TRIM66: variants seen among roughly 807,000 people sequenced by gnomAD.
TRIM66 encodes tripartite motif containing 66.
In TRIM66, 99 loss-of-function variants were observed where a neutral mutation model predicts 148.2. That is an observed-to-expected ratio of 0.67 (90% CI 0.57 to 0.79). The LOEUF (loss-of-function observed/expected upper bound fraction) is 0.79. Among genes scored for constraint, TRIM66 ranks in the 30% least tolerant of loss-of-function variants. TRIM66 has a pLI of 0.00. For missense variants in TRIM66, 1,666 were observed against 1,697.9 expected, an observed-to-expected ratio of 0.98 and a Z score of 0.33; for synonymous variants, 616 against 635.9, an observed-to-expected ratio of 0.97 and a Z score of 0.47.
intron 6 of TRIM66, among the ~76,000 whole-genome samples, chr11:8,659,901 A>G (rs538521120): frequency 6.6e-5 from 10 of 152,232 alleles, no homozygotes; most frequent in Admixed American, 5.9e-4. Flanking sequence ...GTTTTGAGAC[A>G]GTGTTTCATT....
chr11:8,677,988 C>T (rs1002823317), intron 3 of TRIM66: 5 of 152,178 alleles, frequency 3.3e-5, no homozygotes, highest in African/African-American at 1.2e-4. Flanking sequence ...ATATCAAAAA[C>T]TACCGATAAA....
rs2036363976 is a variant in TRIM66, at chr11:8,641,225, G to C, written c.1223-73C>G. On this transcript the variant is annotated intron_variant, in intron 13 of 24. Coordinates refer to ENST00000646038, the MANE Select transcript of TRIM66 (RefSeq NM_001388022.1). ...CCACCTTGCTACTTCCTGCTCCTGG[G>C]ACAAAAGAACCTCATTCAACAATCC... 5 of 1,343,928 alleles carry C rather than the reference G, an allele frequency of 3.7e-6. 1 individual carries two copies. In the South Asian group the frequency reaches 7.2e-5, roughly 19 times the overall value. The allele number at this position is 1,343,928 out of a possible 1,614,324, so 83.3% of individuals were successfully genotyped here. A position where few individuals can be genotyped will look rare whatever the true frequency, so the allele number is the denominator to read the frequency against.
intron 15 of TRIM66, among the ~76,000 whole-genome samples, chr11:8,628,636 A>AAAAAAAAAAGAGAGAG (rs1555042270): frequency 3.2e-5 from 3 of 93,336 alleles, no homozygotes; most frequent in Non-Finnish European, 7.0e-5. Flanking sequence ...AAAAAAAAAA[A>AAAAAAAAAAGAGAGAG]AGAGAGAGAA....
intron 6 of TRIM66, among the ~76,000 whole-genome samples, chr11:8,655,894 A>T (rs2037787907): frequency 1.3e-5 from 2 of 152,262 alleles, no homozygotes; most frequent in Admixed American, 1.3e-4. Context: ...TCAGAAAGTC[A>T]GGGAACAAGC....
intron 6 of TRIM66, among the ~76,000 whole-genome samples, chr11:8,671,444 G>A (rs1173422119): frequency 6.6e-6 from 1 of 152,146 alleles, no homozygotes; most frequent in African/African-American, 2.4e-5. Flanking sequence ...ACCCTAGGAG[G>A]CCAGCCATTC....
chr11:8,648,270 A>G, intron 9 of TRIM66, 146 bp downstream of exon 9: 2 of 1,338,718 alleles, frequency 1.5e-6, no homozygotes. Context: ...AAGTCCTACA[A>G]CAGGAGCAGA....
At position 8,641,082 on chromosome 11, in the gene TRIM66, T is replaced by A. The variant is rs1159560326; in HGVS notation, c.1293A>T (p.Ser431=). ...DAPAYGGLQG[S]SPFYQSHQSP... ...ACTGGTGGCTTTGATAAAAGGGTGA[T>A]GACCCCTGTAAGCCTCCATAAGCAG... is the stretch of plus-strand genomic sequence containing the variant. Residue 431 remains serine (S), a synonymous_variant, in exon 14 of 25, where the codon TCA becomes TCT. Coordinates refer to ENST00000646038, the MANE Select transcript of TRIM66 (RefSeq NM_001388022.1). 1 of 1,551,728 alleles carries A rather than the reference T, an allele frequency of 6.4e-7. No individual in the cohort carries two copies. Among genetic ancestry groups the A allele is most frequent in the Admixed American group, 2.0e-5 (1 of 51,008 alleles).
chr11:8,645,641 A>C (rs2133170605), intron 12 of TRIM66, 100 bp downstream of exon 12: 1 of 1,400,188 alleles, frequency 7.1e-7, no homozygotes, highest in Non-Finnish European at 9.6e-7. Flanking sequence ...CATCCTAAAA[A>C]GAAAAGGCAC....
rs1247704011 is a variant in TRIM66, at chr11:8,617,979, ACATTCTTTTTGC to A, written c.4132_4143del (p.Ala1378_Met1381del). On this transcript the variant is annotated inframe_deletion, in exon 25 of 25. Coordinates refer to ENST00000646038, the MANE Select transcript of TRIM66 (RefSeq NM_001388022.1). ...GAGATGCTGTTGGCCAGGCGAAATG[ACATTCTTTTTGC>A]TCTTTCATTCTCCTGAAAGAAAAAT... 1 of 1,551,612 alleles carries A rather than the reference ACATTCTTTTTGC, an allele frequency of 6.4e-7. No individual in the cohort carries two copies. The highest frequency in any genetic ancestry group is 8.7e-7 in the Non-Finnish European group (1 of 1,147,006).
At chr11:8,659,744 T>C (rs1431585439) in intron 6 of TRIM66, among the ~76,000 whole-genome samples, 2 of 152,192 alleles carry the variant, frequency 1.3e-5, no homozygotes, top group African/African-American at 4.8e-5. Flanking sequence ...AGACCAGCAC[T>C]GGTTCAAGGC....
chr11:8,618,010 G>A lies in TRIM66; in HGVS notation c.4120-7C>T. On this transcript the variant is annotated splice_region_variant and splice_polypyrimidine_tract_variant and intron_variant, in intron 24 of 24. Coordinates refer to ENST00000646038, the MANE Select transcript of TRIM66 (RefSeq NM_001388022.1). ...TTTTTGCTCTTTCATTCTCCTGAAA[G>A]AAAAATATATATTTGGAATTAAAAT... 6.4e-7 allele frequency: 1 copy of A among 1,551,334 alleles called. No individual in the cohort carries two copies. The highest frequency in any genetic ancestry group is 8.7e-7 in the Non-Finnish European group (1 of 1,146,744).
Position 8,638,736 on chromosome 11 carries a change from TG to T in TRIM66, c.2227del (p.Gln743ArgfsTer26). 6.5e-7 allele frequency: 1 copy of T among 1,550,338 alleles called. No individual in the cohort carries two copies. On this transcript the variant is annotated frameshift_variant, in exon 15 of 25. Coordinates refer to ENST00000646038, the MANE Select transcript of TRIM66 (RefSeq NM_001388022.1). LOFTEE classifies it high-confidence loss of function. ...LDKNTAAALP[Q>X]ASGEETPLSV... ...GAGAGGGGTTTCTTCCCCAGACGCC[TG>T]GGGCAAGGCAGCAGCAGTATTCTTG...
intron 8 of TRIM66, 141 bp downstream of exon 8, chr11:8,649,599 C>A: frequency 8.3e-7 from 1 of 1,198,942 alleles, no homozygotes; most frequent in South Asian, 1.6e-5. Context: ...CTGAAGGAGA[C>A]TTCCTTTGGG....
chr11:8,620,805 G>T (rs2034137331), intron 20 of TRIM66, among the ~76,000 whole-genome samples: 1 of 152,236 alleles, frequency 6.6e-6, no homozygotes, highest in Admixed American at 6.5e-5. Flanking sequence ...CCACATGCAA[G>T]AAGAAGGTGA....
At position 8,616,441 on chromosome 11, in the gene TRIM66, A is replaced by G. The variant is rs1179503655; in HGVS notation, c.*1503T>C. The G allele has an allele frequency of 1.3e-5, 2 of 152,234 alleles. No homozygotes were observed. Among genetic ancestry groups the G allele is most frequent in the Admixed American group, 6.5e-5 (1 of 15,280 alleles). 9.4% of individuals were successfully genotyped at this position (152,234 alleles called of 1,614,324 possible). A position where few individuals can be genotyped will look rare whatever the true frequency, so the allele number is the denominator to read the frequency against. ...AAATTAGCCATGCAATGACAGGACC[A>G]GGGAGAGCTGTCTCAGTCCTGGCCA... On this transcript the variant is annotated 3_prime_UTR_variant, in exon 25 of 25. Transcript: ENST00000646038.
At chr11:8,644,852 C>T (rs2036710300) in intron 12 of TRIM66, among the ~76,000 whole-genome samples, 1 of 152,192 alleles carries the variant, frequency 6.6e-6, no homozygotes, top group Admixed American at 6.5e-5. Context: ...TAGCCTGATT[C>T]CCAGATCCAG....
intron 6 of TRIM66, among the ~76,000 whole-genome samples, chr11:8,663,619 G>T (rs934961036): frequency 2.0e-5 from 3 of 152,048 alleles, no homozygotes; most frequent in Admixed American, 6.6e-5. Context: ...CCTTGGATGC[G>T]GGGGGAGGGG....
intron 8 of TRIM66, 44 bp downstream of exon 8, chr11:8,649,696 T>C: frequency 6.5e-6 from 10 of 1,539,266 alleles, no homozygotes; most frequent in Non-Finnish European, 8.7e-6. Flanking sequence ...GGTTCAGCCC[T>C]GCTTTAGGGC....
At chr11:8,630,236 G>A (rs927567030) in intron 15 of TRIM66, among the ~76,000 whole-genome samples, 3 of 152,300 alleles carry the variant, frequency 2.0e-5, no homozygotes, top group South Asian at 4.1e-4. Context: ...AAGGGCTTGA[G>A]AGCGTGGCCA....
Sources: allele counts gnomAD v4.1 joint callset (sites outside exome capture counted in the v4.1 genomes callset), GRCh38; gene constraint gnomAD v4.1.1; transcripts MANE v1.5; gene names NCBI Gene and HGNC (gene_info 2026-07-23, HGNC 2026-07-21).